NRG1: variants seen among roughly 807,000 people sequenced by gnomAD.
NRG1 encodes the protein pro-neuregulin-1, membrane-bound isoform.
A neutral mutation model predicts 63.8 loss-of-function variants in NRG1; 18 were observed. The ratio of observed to expected loss-of-function variants is 0.28; its 90% CI spans 0.19 to 0.42. The LOEUF is 0.42. Ranked by LOEUF, NRG1 falls within the 10% of genes least tolerant of loss-of-function variation. The pLI, the probability that NRG1 is intolerant of heterozygous loss-of-function variation, is 1.00. For synonymous variants in NRG1, 302 were observed against 301.3 expected (o/e 1.00, Z -0.02); for missense variants, 762 against 814.7 (o/e 0.94, Z 0.79).
downstream of NRG1, among the ~76,000 whole-genome samples, chr8:32,769,076 A>C (rs1394477517): frequency 1.3e-5 from 2 of 151,978 alleles, no homozygotes; most frequent in East Asian, 3.9e-4. Context: ...TTCCAAACAG[A>C]CACTCTCCAA....
chr8:32,070,575 C>T (rs1300970616), intron 1 of NRG1, among the ~76,000 whole-genome samples: 2 of 152,066 alleles, frequency 1.3e-5, no homozygotes, highest in African/African-American at 2.4e-5. Flanking sequence ...ATTTATTTTC[C>T]TTTTCATAGC....
intron 1 of NRG1, among the ~76,000 whole-genome samples, chr8:31,939,402 C>T (rs942659415): frequency 6.6e-6 from 1 of 152,018 alleles, no homozygotes; most frequent in African/African-American, 2.4e-5. Flanking sequence ...ACAAGAACTG[C>T]TGAAAGGAGC....
chr8:32,763,295 A>T, intron 11 of NRG1: 1 of 1,613,800 alleles, frequency 6.2e-7, no homozygotes, highest in African/African-American at 1.3e-5. Flanking sequence ...TCAGCAACTC[A>T]TCTTAGATCT....
At chr8:32,710,140 G>T (rs187279415) in intron 5 of NRG1, among the ~76,000 whole-genome samples, 3 of 152,212 alleles carry the variant, frequency 2.0e-5, no homozygotes, top group Non-Finnish European at 4.4e-5. Context: ...TAATTAAGGA[G>T]TGCTACCATC....
intron 1 of NRG1, among the ~76,000 whole-genome samples, chr8:32,374,356 A>C (rs561969449): frequency 6.6e-6 from 1 of 152,308 alleles, no homozygotes; most frequent in African/African-American, 2.4e-5. Flanking sequence ...GTGGTTCTAC[A>C]TTAACCACAT....
Position 31,640,696 on chromosome 8 carries a change from AAGG to A in NRG1, c.37+1269_37+1271del, listed in dbSNP as rs1245421147. The A allele has an allele frequency of 4.4e-6, 7 of 1,604,636 alleles. No homozygotes were observed. The African/African-American group carries it at 6.7e-5, about 15-fold the overall frequency. Reference sequence around the variant, plus strand: ...TCTGGAGACGGGCCGGAACCTCAAGAAGGAGGTCAGCCGGGTGCTGTGCAAGCG... The same window carrying A: ...TCTGGAGACGGGCCGGAACCTCAAGAAGGTCAGCCGGGTGCTGTGCAAGCG... On this transcript the variant is annotated intron_variant, in intron 1 of 10. Coordinates refer to the NRG1 transcript ENST00000519301. This position sits in a 1 kb window ranked among gnomAD's most constrained non-coding sequence, Gnocchi z 6.3.
At chr8:31,962,317 T>C (rs1222253536) in intron 1 of NRG1, among the ~76,000 whole-genome samples, 1 of 152,212 alleles carries the variant, frequency 6.6e-6, no homozygotes, top group Non-Finnish European at 1.5e-5. Flanking sequence ...CTCCTACTGC[T>C]GAGCTCTCTC....
intron 2 of NRG1, among the ~76,000 whole-genome samples, chr8:32,601,150 C>T (rs1409643809): frequency 6.6e-6 from 1 of 152,104 alleles, no homozygotes; most frequent in Non-Finnish European, 1.5e-5. Flanking sequence ...GTTTATGCTC[C>T]TTGAGGTCAG....
intron 1 of NRG1, among the ~76,000 whole-genome samples, chr8:31,918,694 T>G (rs1256505885): frequency 6.6e-6 from 1 of 152,212 alleles, no homozygotes. Context: ...CCGGCTTTGG[T>G]ATCAGGATGA....
chr8:31,762,910 T>C (rs1817696315), intron 1 of NRG1, among the ~76,000 whole-genome samples: 1 of 152,166 alleles, frequency 6.6e-6, no homozygotes, highest in Non-Finnish European at 1.5e-5. Context: ...CATGGACCAA[T>C]AATGTTATGA....
At chr8:31,855,029 C>T (rs1034786746) in intron 1 of NRG1, among the ~76,000 whole-genome samples, 8 of 152,024 alleles carry the variant, frequency 5.3e-5, no homozygotes, top group African/African-American at 1.9e-4. Flanking sequence ...GCTTTACCTC[C>T]AAGTATGTGG....
At chr8:31,995,310 A>G (rs1811785076) in intron 1 of NRG1, among the ~76,000 whole-genome samples, 2 of 152,100 alleles carry the variant, frequency 1.3e-5, no homozygotes, top group Non-Finnish European at 2.9e-5. Context: ...TTAGGTAATA[A>G]TATTATTGTA....
chr8:32,739,294 T>C (rs1312301386), intron 6 of NRG1, among the ~76,000 whole-genome samples: 1 of 152,142 alleles, frequency 6.6e-6, no homozygotes, highest in African/African-American at 2.4e-5. Context: ...TCCATAGTTC[T>C]CGGCTGTGGC....
chr8:31,645,799 T>C (rs573891668), intron 1 of NRG1, among the ~76,000 whole-genome samples: 2 of 152,340 alleles, frequency 1.3e-5, no homozygotes, highest in South Asian at 4.1e-4. Flanking sequence ...AAATTACAAC[T>C]AAAAAATCAA....
At chr8:31,931,889 G>A (rs747583826) in intron 1 of NRG1, among the ~76,000 whole-genome samples, 1 of 152,266 alleles carries the variant, frequency 6.6e-6, no homozygotes, top group East Asian at 1.9e-4. Context: ...ACTCTGTACT[G>A]TAAATGTTTC....
At chr8:31,845,037 G>A (rs1371693270) in intron 1 of NRG1, among the ~76,000 whole-genome samples, 1 of 151,988 alleles carries the variant, frequency 6.6e-6, no homozygotes, top group Non-Finnish European at 1.5e-5. Flanking sequence ...AACCCGGGAG[G>A]CGGAGGTTGC....
chr8:32,471,782 C>A (rs1823886151), intron 1 of NRG1, among the ~76,000 whole-genome samples: 1 of 152,092 alleles, frequency 6.6e-6, no homozygotes, highest in South Asian at 2.1e-4. Flanking sequence ...TCTACTGACC[C>A]CAAACAAGGT....
intron 1 of NRG1, among the ~76,000 whole-genome samples, chr8:32,407,325 A>G (rs1302537718): frequency 3.8e-4 from 28 of 72,946 alleles, no homozygotes; most frequent in Admixed American, 2.7e-3. Context: ...TATATTATAT[A>G]TATATATGGC....
chr8:31,905,869 A>C (rs1389946401), intron 1 of NRG1, among the ~76,000 whole-genome samples: 3 of 152,228 alleles, frequency 2.0e-5, no homozygotes, highest in Non-Finnish European at 4.4e-5. Flanking sequence ...GATGGTTATT[A>C]GTAGTATAAA....
Sources: allele counts gnomAD v4.1 joint callset (sites outside exome capture counted in the v4.1 genomes callset), GRCh38; gene constraint gnomAD v4.1.1; non-coding constraint Gnocchi (gnomAD v3.1); transcripts MANE v1.5; gene names NCBI Gene and HGNC (gene_info 2026-07-23, HGNC 2026-07-21).